CTNNA2: variants seen among roughly 807,000 people sequenced by gnomAD.
The protein encoded by CTNNA2 is catenin alpha-2.
Under a neutral mutation model 101.0 loss-of-function variants are expected in CTNNA2, and 42 were observed. That is an observed-to-expected ratio of 0.42 (90% CI 0.32 to 0.54). CTNNA2 has a LOEUF of 0.54. CTNNA2 is among the 20% of genes least tolerant of loss of function. The pLI, the probability that CTNNA2 is intolerant of heterozygous loss-of-function variation, is 0.14. For missense variants in CTNNA2, 871 were observed against 1,223.1 expected (o/e 0.71, Z 4.29); for synonymous variants, 450 against 456.4 (o/e 0.99, Z 0.18).
intron 9 of CTNNA2, among the ~76,000 whole-genome samples, chr2:80,543,511 T>A (rs957134409): frequency 3.9e-5 from 6 of 152,208 alleles, no homozygotes; most frequent in African/African-American, 1.4e-4. Context: ...CTATAATGCA[T>A]CCTCTTTCTC....
At chr2:79,297,708 C>G (rs1676014370) in intron 2 of CTNNA2, among the ~76,000 whole-genome samples, 2 of 152,168 alleles carry the variant, frequency 1.3e-5, no homozygotes, top group Non-Finnish European at 2.9e-5. Flanking sequence ...CTTTCATCTA[C>G]TCATTGCTTT....
chr2:80,325,285 C>T (rs1679139774), intron 7 of CTNNA2, among the ~76,000 whole-genome samples: 1 of 152,048 alleles, frequency 6.6e-6, no homozygotes, highest in South Asian at 2.1e-4. Context: ...TGTAGATTTG[C>T]AGGATTTATA....
At chr2:79,692,687 T>C (rs980130125) in intron 2 of CTNNA2, among the ~76,000 whole-genome samples, 38 of 152,104 alleles carry the variant, frequency 2.5e-4, no homozygotes, top group African/African-American at 8.9e-4. Flanking sequence ...TGGAATACTA[T>C]ACAGCCATAA....
chr2:79,249,368 G>T (rs1674740622), intron 2 of CTNNA2, among the ~76,000 whole-genome samples: 1 of 124,062 alleles, frequency 8.1e-6, no homozygotes, highest in Non-Finnish European at 1.8e-5. Context: ...GCTGGGCTTA[G>T]TTATTTGGAG....
At chr2:80,385,987 A>G (rs1380067415) in intron 7 of CTNNA2, among the ~76,000 whole-genome samples, 2 of 152,132 alleles carry the variant, frequency 1.3e-5, no homozygotes, top group Non-Finnish European at 2.9e-5. Context: ...AATAACATGG[A>G]TGGGTTGATG....
chr2:80,223,741 G>T (rs1708709822), intron 7 of CTNNA2, among the ~76,000 whole-genome samples: 1 of 152,162 alleles, frequency 6.6e-6, no homozygotes, highest in Non-Finnish European at 1.5e-5. Context: ...TCTACAGAAT[G>T]AACTAGGCTC....
chr2:79,376,413 C>G lies in CTNNA2; in HGVS notation c.-135+2400C>G, dbSNP rs2104459043. On this transcript the variant is annotated intron_variant, in intron 4 of 21. Transcript: ENST00000466387. Reference sequence around the variant, plus strand: ...TGTATTACTGAATAACTGAATTTATCTATGTTGAGTATAGCCAAAATAGCC... The same window carrying G: ...TGTATTACTGAATAACTGAATTTATGTATGTTGAGTATAGCCAAAATAGCC... Among the ~76,000 whole-genome samples the G allele has an allele frequency of 2.0e-5, 3 of 149,508 alleles. No individual in the cohort carries two copies. In the South Asian group the frequency reaches 6.3e-4, roughly 32 times the overall value.
intron 7 of CTNNA2, among the ~76,000 whole-genome samples, chr2:80,240,849 G>T (rs1670880345): frequency 6.6e-6 from 1 of 152,090 alleles, no homozygotes; most frequent in African/African-American, 2.4e-5. Flanking sequence ...GGATGTGTTG[G>T]GTACATTTTC....
chr2:80,384,408 A>T (rs1327480074), intron 7 of CTNNA2, among the ~76,000 whole-genome samples: 1 of 151,142 alleles, frequency 6.6e-6, no homozygotes, highest in East Asian at 1.9e-4. Flanking sequence ...TGTATCCCCG[A>T]ACCTCAAAGT....
intron 7 of CTNNA2, among the ~76,000 whole-genome samples, chr2:80,181,601 A>G (rs757821434): frequency 6.6e-6 from 1 of 152,176 alleles, no homozygotes; most frequent in Non-Finnish European, 1.5e-5. Flanking sequence ...ATCTTGGAAG[A>G]TTTGAGGCTC....
intron 7 of CTNNA2, among the ~76,000 whole-genome samples, chr2:80,207,259 G>A (rs1450597967): frequency 2.0e-5 from 3 of 152,186 alleles, no homozygotes; most frequent in Non-Finnish European, 4.4e-5. Flanking sequence ...TATAGGAAGG[G>A]TAGGAGGTGT....
chr2:79,903,681 C>A (rs1423182480), intron 6 of CTNNA2, among the ~76,000 whole-genome samples: 1 of 152,098 alleles, frequency 6.6e-6, no homozygotes, highest in Non-Finnish European at 1.5e-5. Context: ...TGGGGACAAA[C>A]ACCTTTGAAA....
chr2:79,330,790 C>T (rs1439008133), intron 3 of CTNNA2, among the ~76,000 whole-genome samples: 4 of 152,162 alleles, frequency 2.6e-5, no homozygotes, highest in African/African-American at 9.6e-5. Flanking sequence ...CCCTTTTGTC[C>T]TCCACCATGA....
At chr2:79,750,942 G>A (rs1444527859) in intron 3 of CTNNA2, among the ~76,000 whole-genome samples, 1 of 151,850 alleles carries the variant, frequency 6.6e-6, no homozygotes, top group Non-Finnish European at 1.5e-5. Context: ...AAAATATTAT[G>A]GATAGATATA....
chr2:80,135,183 G>A (rs1702625515), intron 7 of CTNNA2, among the ~76,000 whole-genome samples: 1 of 152,130 alleles, frequency 6.6e-6, no homozygotes, highest in Admixed American at 6.6e-5. Context: ...TGCAGTTCAG[G>A]GCCAACAGAG....
intron 1 of CTNNA2, among the ~76,000 whole-genome samples, chr2:79,642,951 G>A (rs1680554072): frequency 6.6e-6 from 1 of 151,942 alleles, no homozygotes; most frequent in Non-Finnish European, 1.5e-5. Flanking sequence ...CCAGCACTTG[G>A]GGAGGCCAAG....
intron 3 of CTNNA2, among the ~76,000 whole-genome samples, chr2:79,813,056 C>T (rs1227001374): frequency 1.3e-5 from 2 of 152,168 alleles, no homozygotes; most frequent in Admixed American, 1.3e-4. Context: ...ACTGCAGTGA[C>T]AGTTTTCCCA....
At chr2:79,374,225 G>A (rs1291460909) in intron 4 of CTNNA2, among the ~76,000 whole-genome samples, 3 of 152,134 alleles carry the variant, frequency 2.0e-5, no homozygotes, top group Non-Finnish European at 4.4e-5. Context: ...TTCTGTGGAA[G>A]TCTAGTGCAT....
intron 3 of CTNNA2, among the ~76,000 whole-genome samples, chr2:79,338,158 A>G (rs977687081): frequency 6.7e-6 from 1 of 149,420 alleles, no homozygotes; most frequent in African/African-American, 2.5e-5. Context: ...AGGCAGGAGA[A>G]TCGCTTGAAC....
Sources: gnomAD v4.1 joint callset for allele counts (sites outside exome capture counted in the v4.1 genomes callset) on GRCh38, gnomAD v4.1.1 for gene constraint, MANE v1.5 for transcripts, NCBI Gene and HGNC (gene_info 2026-07-23, HGNC 2026-07-21) for gene names.